Variants in SLA observed in about 807,000 individuals in gnomAD.
SLA encodes src-like-adapter.
A neutral mutation model predicts 30.3 loss-of-function variants in SLA; 16 were observed. The ratio of observed to expected loss-of-function variants is 0.53; its 90% CI spans 0.36 to 0.80. The LOEUF is 0.80. Among genes scored for constraint, SLA ranks in the 30% least tolerant of loss-of-function variants. The pLI is 0.01. For synonymous variants in SLA, 143 were observed against 137.8 expected, an observed-to-expected ratio of 1.04 and a Z score of -0.26; for missense variants, 310 against 345.2, an observed-to-expected ratio of 0.90 and a Z score of 0.81.
chr8:133,041,556 C>T (rs1027130723), intron 7 of SLA, among the ~76,000 whole-genome samples: 2 of 151,986 alleles, frequency 1.3e-5, no homozygotes, highest in Non-Finnish European at 2.9e-5. Flanking sequence ...GGATATGAGG[C>T]GAGGAAGATG....
chr8:133,064,710 G>A (rs531908072), intron 2 of SLA, among the ~76,000 whole-genome samples: 1 of 152,282 alleles, frequency 6.6e-6, no homozygotes, highest in South Asian at 2.1e-4. Flanking sequence ...CTCTTAATAG[G>A]TTTCTGTTTC....
rs2256476 is a variant in SLA, at chr8:133,094,892, T to G, written c.-319+7661A>C. On this transcript the variant is annotated intron_variant, in intron 1 of 8. Transcript: ENST00000338087. The stretch of plus-strand genomic sequence containing the variant: ...TGCTGATATGCTGTTGACCAATCCT[T>G]ATCTTCCCATTGTGTGCAGCCCCAG... 706,751 of 989,948 alleles carry G rather than the reference T, an allele frequency of 0.71. 256,414 individuals carry two copies. Among genetic ancestry groups the G allele is most frequent in the African/African-American group, 0.81 (51,015 of 62,816 alleles). The allele number at this position is 989,948 out of a possible 1,614,324, so 61.3% of individuals were successfully genotyped here. A position where few individuals can be genotyped will look rare whatever the true frequency, so the allele number is the denominator to read the frequency against.
chr8:133,095,306 C>T, intron 1 of SLA: 1 of 1,540,400 alleles, frequency 6.5e-7, no homozygotes, highest in Non-Finnish European at 9.0e-7. Context: ...CCCAGCCATA[C>T]CACACATGAG....
At chr8:133,047,764 A>T in intron 6 of SLA, 66 bp downstream of exon 6, 1 of 889,060 alleles carries the variant, frequency 1.1e-6, no homozygotes, top group Non-Finnish European at 1.9e-6. Flanking sequence ...CCGTGTAATG[A>T]GTCAGCCAGG....
At chr8:133,080,952 T>A (rs1440590267) in intron 1 of SLA, among the ~76,000 whole-genome samples, 1 of 152,208 alleles carries the variant, frequency 6.6e-6, no homozygotes, top group Non-Finnish European at 1.5e-5. Flanking sequence ...GGTGTTTTAT[T>A]TGCATCCTAG....
At chr8:133,049,552 GAC>G in intron 5 of SLA, 1 of 304,438 alleles carries the variant, frequency 3.3e-6, no homozygotes, top group East Asian at 7.3e-5. Context: ...GCCAGTAAGT[GAC>G]AGAGGCAGGA....
At chr8:133,041,793 T>TC (rs1404565733) in intron 7 of SLA, among the ~76,000 whole-genome samples, 2 of 148,878 alleles carry the variant, frequency 1.3e-5, no homozygotes, top group East Asian at 3.9e-4. Flanking sequence ...AGTTTTTTTT[T>TC]TTTTTTTTTT....
At chr8:133,076,493 A>G (rs1046597121) in intron 1 of SLA, among the ~76,000 whole-genome samples, 2 of 152,228 alleles carry the variant, frequency 1.3e-5, no homozygotes, top group African/African-American at 4.8e-5. Flanking sequence ...CAAAGGAACT[A>G]TTGCAAAAGA....
intron 1 of SLA, among the ~76,000 whole-genome samples, chr8:133,098,781 G>T (rs1169416881): frequency 6.6e-6 from 1 of 152,186 alleles, no homozygotes; most frequent in East Asian, 1.9e-4. Context: ...CTTGTTGGCA[G>T]ATCTGGGACC....
intron 1 of SLA, among the ~76,000 whole-genome samples, chr8:133,092,177 A>G (rs934122266): frequency 2.0e-5 from 3 of 151,752 alleles, no homozygotes; most frequent in African/African-American, 7.3e-5. Flanking sequence ...AAACTCCTTG[A>G]TTGCGTGAGT....
chr8:133,095,013 C>T lies in SLA; in HGVS notation c.-319+7540G>A, dbSNP rs771077545. 21 of 1,612,388 alleles carry T rather than the reference C, an allele frequency of 1.3e-5. No homozygotes were observed. The East Asian group carries it at 2.5e-4, about 19-fold the overall frequency. On this transcript the variant is annotated intron_variant, in intron 1 of 8. Coordinates refer to ENST00000338087, the MANE Select transcript of SLA (RefSeq NM_001045556.3). ...GAGCAGGGGCTGAAGATGATCTGAA[C>T]CATCTGCCCTGAGCCTGCTTTCTCT...
intron 1 of SLA, chr8:133,076,575 A>G (rs1345598974): frequency 6.8e-6 from 1 of 146,394 alleles, no homozygotes; most frequent in Admixed American, 6.6e-5. Context: ...TTTTCCCCCA[A>G]ATTCACACAG....
intron 3 of SLA, among the ~76,000 whole-genome samples, chr8:133,058,829 T>C (rs1377005626): frequency 6.6e-6 from 1 of 152,194 alleles, no homozygotes; most frequent in Non-Finnish European, 1.5e-5. Flanking sequence ...AATATTCTTT[T>C]TGTTTATCCC....
intron 1 of SLA, among the ~76,000 whole-genome samples, chr8:133,081,602 C>T (rs1269926933): frequency 1.3e-5 from 2 of 152,106 alleles, no homozygotes; most frequent in Non-Finnish European, 2.9e-5. Flanking sequence ...AAAAAAGTAG[C>T]CGCTTTATGT....
intron 1 of SLA, among the ~76,000 whole-genome samples, chr8:133,093,119 GTTTTCTTTTC>G (rs1171984030): frequency 2.9e-5 from 4 of 139,662 alleles, no homozygotes; most frequent in South Asian, 2.2e-4. Flanking sequence ...GTGTGTGTGT[GTTTTCTTTTC>G]TTTTCTTTTC....
At chr8:133,100,752 C>T (rs1316538677) in intron 1 of SLA, among the ~76,000 whole-genome samples, 2 of 152,140 alleles carry the variant, frequency 1.3e-5, no homozygotes, top group Non-Finnish European at 2.9e-5. Context: ...TGTACACAAA[C>T]CCAGCTAGAA....
chr8:133,058,559 G>A (rs985776803), intron 3 of SLA, among the ~76,000 whole-genome samples: 3 of 152,212 alleles, frequency 2.0e-5, no homozygotes, highest in African/African-American at 7.2e-5. Context: ...GTGGGTGGGT[G>A]CCTCCCCAGC....
At chr8:133,045,639 C>T (rs188947410) in intron 6 of SLA, among the ~76,000 whole-genome samples, 59 of 152,212 alleles carry the variant, frequency 3.9e-4, no homozygotes, top group South Asian at 1.5e-3. Context: ...AAGTGATCCG[C>T]CCACCTCGGC....
In SLA at chr8:133,038,740, G is replaced by A. The variant is rs1360395792; in HGVS notation, c.618-3C>T. 1 of 1,610,912 alleles carries A rather than the reference G, an allele frequency of 6.2e-7. No homozygotes were observed. The highest frequency in any genetic ancestry group is 8.5e-7 in the Non-Finnish European group (1 of 1,177,308). ...TTCCCTCGGGGTCCTCCTGCAGTCT[G>A]TGGGCCAGAAGAAAAGGCAGTAGAG... On this transcript the variant is annotated splice_region_variant and splice_polypyrimidine_tract_variant and intron_variant, in intron 8 of 8. Transcript: ENST00000338087.
Sources: allele counts gnomAD v4.1 joint callset (sites outside exome capture counted in the v4.1 genomes callset), GRCh38; gene constraint gnomAD v4.1.1; transcripts MANE v1.5; gene names NCBI Gene and HGNC (gene_info 2026-07-23, HGNC 2026-07-21).